NIBAN1: variants seen among roughly 807,000 people sequenced by gnomAD.
NIBAN1 encodes niban apoptosis regulator 1.
A neutral mutation model predicts 75.1 loss-of-function variants in NIBAN1; 81 were observed. That is an observed-to-expected ratio of 1.08 (90% confidence interval 0.90 to 1.30). The LOEUF is 1.30. NIBAN1 is among the 50% of genes most tolerant of loss of function. The pLI, the probability that NIBAN1 is intolerant of heterozygous loss-of-function variation, is 0.00. For missense variants in NIBAN1, 1,133 were observed against 1,128.1 expected (o/e 1.00, Z -0.06); for synonymous variants, 436 against 424.8 (o/e 1.03, Z -0.32).
intron 1 of NIBAN1, among the ~76,000 whole-genome samples, chr1:184,955,047 A>G (rs183318706): frequency 1.3e-5 from 2 of 152,284 alleles, no homozygotes; most frequent in South Asian, 2.1e-4. Flanking sequence ...TAGTTTTAAT[A>G]TATGTTATTT....
chr1:184,795,456 C>T lies in NIBAN1; in HGVS notation c.2308G>A (p.Glu770Lys), dbSNP rs373138315. The change falls in exon 14 of 14, where the codon GAG becomes AAG. Residue 770 changes from glutamate (E) to lysine (K), a missense_variant. By Grantham distance (56) the Glu-to-Lys change is moderately conservative. Coordinates refer to ENST00000367511, the MANE Select transcript of NIBAN1 (RefSeq NM_052966.4). ...PDNCEESEVS[E>K]REAQPPCPEA... Reference sequence around the variant, plus strand: ...GGACAGGGAGGTTGGGCCTCCCTCTCGCTGACTTCACTTTCTTCACAGTTG... The same window carrying T: ...GGACAGGGAGGTTGGGCCTCCCTCTTGCTGACTTCACTTTCTTCACAGTTG... 33 of 1,609,112 alleles carry T rather than the reference C, an allele frequency of 2.1e-5. No homozygotes were observed. Among genetic ancestry groups the T allele is most frequent in the African/African-American group, 2.7e-5 (2 of 74,646 alleles).
intron 1 of NIBAN1, among the ~76,000 whole-genome samples, chr1:184,933,559 TA>T (rs1181534581): frequency 1.3e-5 from 2 of 152,200 alleles, no homozygotes; most frequent in African/African-American, 4.8e-5. Context: ...CATACACAAA[TA>T]AGGCCTCCAT....
rs1046164424 is a variant in NIBAN1, at chr1:184,794,136, C to T, written c.*841G>A. ...TTTTATTACTAAGCCCAACACAGTG[C>T]GTGGCATGCAGTAACTGTTCAAATA... is the stretch of plus-strand genomic sequence containing the variant. On this transcript the variant is annotated 3_prime_UTR_variant, in exon 14 of 14. Transcript: ENST00000367511. The T allele has an allele frequency of 3.9e-5, 6 of 152,182 alleles. No individual in the cohort carries two copies. The highest frequency in any genetic ancestry group is 1.9e-4 in the East Asian group (1 of 5,182). The allele number at this position is 152,182 out of a possible 1,614,324, so 9.4% of individuals were successfully genotyped here.
chr1:184,867,808 C>A (rs1165579276), intron 5 of NIBAN1: 1 of 960,120 alleles, frequency 1.0e-6, no homozygotes, highest in African/African-American at 1.8e-5. Context: ...ACTGTGTTTT[C>A]GGTTTGTTTT....
At position 184,795,996 on chromosome 1, in the gene NIBAN1, T is replaced by C. The variant is rs1653852275; in HGVS notation, c.1768A>G (p.Thr590Ala). The C allele has an allele frequency of 1.9e-6, 3 of 1,613,532 alleles. No individual in the cohort carries two copies. In the South Asian group the frequency reaches 3.3e-5, roughly 18 times the overall value. The change falls in exon 14 of 14, where the codon ACA becomes GCA. Residue 590 changes from threonine to alanine, a missense_variant. Thr to Ala is a moderately conservative substitution (Grantham distance 58). Coordinates refer to ENST00000367511, the MANE Select transcript of NIBAN1 (RefSeq NM_052966.4). Reference protein sequence around the residue: ...VSSLTDLKPPTGSNQASPARR... With the variant: ...VSSLTDLKPPAGSNQASPARR... ...GCAGGGCTGGCCTGGTTTGACCCTG[T>C]GGGGGGCTTTAGATCTGTTAAGCTG...
chr1:184,964,816 A>G lies in NIBAN1; in HGVS notation c.55+9486T>C, dbSNP rs566473428. ...AAGAGGGTAGAGATGATTTTGAAGT[A>G]CCTAATATATGTTGCCTTTATTATT... On this transcript the variant is annotated intron_variant, in intron 1 of 13. Transcript: ENST00000367511. Among the ~76,000 whole-genome samples the G allele has an allele frequency of 1.3e-4, 20 of 152,340 alleles. No homozygotes were observed. The South Asian group carries it at 4.1e-3, about 32-fold the overall frequency.
chr1:184,899,313 G>GA lies in NIBAN1; in HGVS notation c.56-5dup. 1.2e-6 allele frequency: 2 copies of GA among 1,613,296 alleles called. No individual in the cohort carries two copies. The highest frequency in any genetic ancestry group is 1.7e-4 in the Middle Eastern group (1 of 6,056). On this transcript the variant is annotated splice_region_variant and splice_polypyrimidine_tract_variant and intron_variant, in intron 1 of 13. Coordinates refer to ENST00000367511, the MANE Select transcript of NIBAN1 (RefSeq NM_052966.4). ...TTGATGGCAGCCTCAGTTTTCCCTA[G>GA]AAAAATATGAAAATTAGAATTCTTA...
chr1:184,890,124 A>G lies in NIBAN1; in HGVS notation c.417T>C (p.His139=), dbSNP rs201874357. ...EDEYNLLSDR[H]FPDPLASSEK... ...GCAACTCACCAAGAGGGTCTGGGAA[A>G]TGCCTGTCAGACAACAGATTATATT... Residue 139 remains histidine, a synonymous_variant, in exon 4 of 14, where the codon CAT becomes CAC. Coordinates refer to ENST00000367511, the MANE Select transcript of NIBAN1 (RefSeq NM_052966.4). The G allele has an allele frequency of 5.4e-5, 87 of 1,613,522 alleles. No individual in the cohort carries two copies. Among genetic ancestry groups the G allele is most frequent in the Non-Finnish European group, 7.0e-5 (82 of 1,179,616 alleles).
rs548257509 is a variant in NIBAN1, at chr1:184,935,862, G to A, written c.56-36553C>T. Among the ~76,000 whole-genome samples, 5 of 151,056 alleles carry A rather than the reference G, an allele frequency of 3.3e-5. No individual in the cohort carries two copies. In the South Asian group the frequency reaches 1.0e-3, roughly 32 times the overall value. On this transcript the variant is annotated intron_variant, in intron 1 of 13. Transcript: ENST00000367511. ...TCCTTTTCCAGGAACCTACATAGCT[G>A]AGAGAGCTCAACTTGGATTTCATGT...
At chr1:184,803,500 T>C in intron 12 of NIBAN1, 85 bp downstream of exon 12, 2 of 1,007,306 alleles carry the variant, frequency 2.0e-6, no homozygotes, top group Non-Finnish European at 3.1e-6. Flanking sequence ...TCTAGTCTGC[T>C]GTTTGCCAGT....
At chr1:184,816,042 T>C (rs1366365753) in intron 9 of NIBAN1, among the ~76,000 whole-genome samples, 1 of 152,228 alleles carries the variant, frequency 6.6e-6, no homozygotes, top group African/African-American at 2.4e-5. Context: ...TTGTGGCCTA[T>C]GGAGAAATAC....
Position 184,795,452 on chromosome 1 carries a change from C to G in NIBAN1, c.2312G>C (p.Arg771Thr). The change falls in exon 14 of 14, where the codon AGG becomes ACG. Residue 771 changes from arginine to threonine, a missense_variant. Physicochemically the swap from Arg to Thr is moderately conservative, Grantham distance 71. Transcript: ENST00000367511. ...CTCGGGACAGGGAGGTTGGGCCTCC[C>G]TCTCGCTGACTTCACTTTCTTCACA... Reference protein sequence around the residue: ...DNCEESEVSEREAQPPCPEAH... With the variant: ...DNCEESEVSETEAQPPCPEAH... The G allele has an allele frequency of 1.5e-5, 24 of 1,608,978 alleles. No individual in the cohort carries two copies. Among genetic ancestry groups the G allele is most frequent in the Non-Finnish European group, 2.0e-5 (24 of 1,177,550 alleles).
rs757638607 is a variant in NIBAN1 at position 184,823,761 on chromosome 1, C to T, written c.718-19G>A. ...TCAGGATCTGCGCAGCAGAAGACAG[C>T]CCAGAGTCGGTCAGTCGGTGATGGC... On this transcript the variant is annotated intron_variant, in intron 6 of 13. Transcript: ENST00000367511. 26 of 1,610,304 alleles carry T rather than the reference C, an allele frequency of 1.6e-5. No homozygotes were observed. The highest frequency in any genetic ancestry group is 2.1e-5 in the Non-Finnish European group (25 of 1,176,776).
chr1:184,800,343 T>C (rs1430708750), intron 12 of NIBAN1, among the ~76,000 whole-genome samples: 1 of 150,344 alleles, frequency 6.7e-6, no homozygotes, highest in Non-Finnish European at 1.5e-5. Context: ...GTAGTTTCTT[T>C]TGCTGTGCAG....
In NIBAN1 at chr1:184,791,607, T is replaced by TC. The variant is rs1313525184; in HGVS notation, c.*3369dup. On this transcript the variant is annotated 3_prime_UTR_variant, in exon 14 of 14. Transcript: ENST00000367511. Reference sequence around the variant, plus strand: ...AGTTTTTTTCAAGGGAAATATTTTTTCTCTGTGAAAGGTCAGTAGTAAAAG... The same window carrying TC: ...AGTTTTTTTCAAGGGAAATATTTTTTCCTCTGTGAAAGGTCAGTAGTAAAAG... 5 of 152,282 alleles carry TC rather than the reference T, an allele frequency of 3.3e-5. No individual in the cohort carries two copies. The East Asian group carries it at 7.7e-4, about 24-fold the overall frequency. 9.4% of individuals were successfully genotyped at this position (152,282 alleles called of 1,614,324 possible). A position where few individuals can be genotyped will look rare whatever the true frequency, so the allele number is the denominator to read the frequency against.
At chr1:184,879,074 C>G (rs184421670) in intron 5 of NIBAN1, among the ~76,000 whole-genome samples, 406 of 152,240 alleles carry the variant, frequency 2.7e-3, no homozygotes, top group African/African-American at 9.3e-3. Flanking sequence ...GAATGTAGCT[C>G]AAGCAGAGAG....
At position 184,899,264 on chromosome 1, in the gene NIBAN1, C is replaced by T. The variant is rs756990834; in HGVS notation, c.101G>A (p.Arg34His). Residue 34 changes from arginine to histidine, a missense_variant, in exon 2 of 14, where the codon CGT becomes CAT. Coordinates refer to ENST00000367511, the MANE Select transcript of NIBAN1 (RefSeq NM_052966.4). ...AIKNFSPYYS[R>H]QYSVAFCNHV... ...ATTGCAGAAAGCCACAGAGTACTGA[C>T]GACTGTAGTAGGGACTGAAGTTTTT... 2.9e-5 allele frequency: 47 copies of T among 1,613,716 alleles called. No individual in the cohort carries two copies. The highest frequency in any genetic ancestry group is 3.5e-5 in the Non-Finnish European group (41 of 1,179,830).
intron 5 of NIBAN1, among the ~76,000 whole-genome samples, chr1:184,854,091 C>T (rs998985587): frequency 1.3e-5 from 2 of 152,030 alleles, no homozygotes; most frequent in African/African-American, 4.8e-5. Flanking sequence ...TTTTTTAGTA[C>T]TAAGTCTTTG....
At chr1:184,823,515 G>A (rs1002302558) in intron 7 of NIBAN1, 123 bp downstream of exon 7, 6 of 1,259,982 alleles carry the variant, frequency 4.8e-6, no homozygotes, top group African/African-American at 1.5e-5. Flanking sequence ...CAGCAGGTTC[G>A]AAGTAGGCAT....
Sources: allele counts gnomAD v4.1 joint callset (sites outside exome capture counted in the v4.1 genomes callset), GRCh38; gene constraint gnomAD v4.1.1; transcripts MANE v1.5; gene names NCBI Gene and HGNC (gene_info 2026-07-23, HGNC 2026-07-21).